Variants in COL4A2 observed in about 807,000 individuals in gnomAD.
COL4A2 encodes collagen type IV alpha 2 chain, also known as collagen alpha-2(IV) chain.
In COL4A2, 99 loss-of-function variants were observed where a neutral mutation model predicts 200.2. The ratio of observed to expected loss-of-function variants is 0.49; its 90% CI spans 0.42 to 0.58. The LOEUF (loss-of-function observed/expected upper bound fraction) is 0.58, where lower values mean the gene tolerates loss of function less well. COL4A2 is among the 20% of genes least tolerant of loss of function. The pLI, the probability that COL4A2 is intolerant of heterozygous loss-of-function variation, is 0.00. For missense variants in COL4A2, 1,950 were observed against 2,314.1 expected (o/e 0.84, Z 3.23); for synonymous variants, 897 against 900.6 (o/e 1.00, Z 0.07).
In COL4A2 at chr13:110,428,591, TC is replaced by T; in HGVS notation, c.477+12del. On this transcript the variant is annotated intron_variant, in intron 7 of 47. Transcript: ENST00000360467. ...GGGTTCACCGGGCCTCCCGTGAGTA[TC>T]CCCACAGCGCCTGTGCTCCAGGGAC... 1 of 1,477,664 alleles carries T rather than the reference TC, an allele frequency of 6.8e-7. No homozygotes were observed. Among genetic ancestry groups the T allele is most frequent in the Non-Finnish European group, 9.1e-7 (1 of 1,099,262 alleles). The allele number at this position is 1,477,664 out of a possible 1,614,324, so 91.5% of individuals were successfully genotyped here. A position where few individuals can be genotyped will look rare whatever the true frequency, so the allele number is the denominator to read the frequency against.
intron 36 of COL4A2, 125 bp downstream of exon 36, chr13:110,489,910 T>G (rs2139534503): frequency 1.0e-6 from 1 of 968,816 alleles, no homozygotes; most frequent in Non-Finnish European, 1.6e-6. Context: ...GAATGAGGTC[T>G]TCAAGTCCAA....
chr13:110,469,404 TATC>T lies in COL4A2; in HGVS notation c.2203+81_2203+83del, dbSNP rs1460956473. ...GTGATTCATAAGCATCCAGCTCTATTATCTTCCACTTTGTAGAAGCTGTTTTAA... is the reference window on the plus strand; with the variant it reads ...GTGATTCATAAGCATCCAGCTCTATTTTCCACTTTGTAGAAGCTGTTTTAA... On this transcript the variant is annotated intron_variant, in intron 28 of 47. Transcript: ENST00000360467. 2.2e-6 allele frequency: 3 copies of T among 1,367,436 alleles called. No individual in the cohort carries two copies. The African/African-American group carries it at 4.4e-5, about 20-fold the overall frequency. The allele number at this position is 1,367,436 out of a possible 1,614,324, so 84.7% of individuals were successfully genotyped here.
At chr13:110,380,778 C>T (rs9555695) in intron 4 of COL4A2, among the ~76,000 whole-genome samples, 54,478 of 149,114 alleles carry the variant, frequency 0.37, 9,640 homozygotes, top group East Asian at 0.44. Context: ...CTCTGTGTCA[C>T]ACCCACGGGC....
intron 4 of COL4A2, 64 bp from the exon 5 acceptor site, chr13:110,424,670 C>T (rs1023580071): frequency 2.2e-5 from 25 of 1,118,964 alleles, no homozygotes; most frequent in Middle Eastern, 2.3e-4. Flanking sequence ...TGAAAGTAAC[C>T]GTAACTGATC....
intron 4 of COL4A2, among the ~76,000 whole-genome samples, chr13:110,381,264 C>T (rs1878479915): frequency 6.6e-6 from 1 of 151,842 alleles, no homozygotes; most frequent in Non-Finnish European, 1.5e-5. Flanking sequence ...ATCTCACACC[C>T]ACGGACTCTA....
intron 4 of COL4A2, among the ~76,000 whole-genome samples, chr13:110,407,815 C>T (rs918334071): frequency 6.6e-6 from 1 of 152,188 alleles, no homozygotes; most frequent in African/African-American, 2.4e-5. Flanking sequence ...GTGTCTCCCC[C>T]ATTTCAGGTT....
intron 3 of COL4A2, among the ~76,000 whole-genome samples, chr13:110,351,499 G>A (rs1876961218): frequency 6.6e-6 from 1 of 152,178 alleles, no homozygotes; most frequent in South Asian, 2.1e-4. Flanking sequence ...GCAGCTCAGA[G>A]ACTTTCAAGT....
rs540832743 is a variant in COL4A2 at position 110,386,699 on chromosome 13, A to G, written c.180+29147A>G. ...TGTTATTATTTCTCCACTTTGGCCC[A>G]CAAACCTGAATTCAGCCACTTCTAT... On this transcript the variant is annotated intron_variant, in intron 4 of 47. Transcript: ENST00000360467. Among the ~76,000 whole-genome samples, 3 of 152,332 alleles carry G rather than the reference A, an allele frequency of 2.0e-5. No homozygotes were observed. The East Asian group carries it at 5.8e-4, about 29-fold the overall frequency.
At chr13:110,468,869 T>C (rs1383611021) in intron 27 of COL4A2, among the ~76,000 whole-genome samples, 2 of 152,130 alleles carry the variant, frequency 1.3e-5, no homozygotes, top group Non-Finnish European at 2.9e-5. Context: ...CTCCCCACTT[T>C]ACAGGTGAGG....
rs201393883 is a variant in COL4A2, at chr13:110,436,294, A to G, written c.752A>G (p.Asn251Ser). The G allele has an allele frequency of 3.1e-6, 5 of 1,613,954 alleles. No individual in the cohort carries two copies. Among genetic ancestry groups the G allele is most frequent in the Non-Finnish European group, 4.2e-6 (5 of 1,180,024 alleles). ...EKGDVGQPGP[N>S]GIPSDTLHPI... ...GGTGACGTAGGGCAGCCGGGACCCA[A>G]CGGGATTCCATCAGACACCCTCCAC... The change falls in exon 13 of 48, where the codon AAC (asparagine) becomes AGC (serine). Residue 251 changes from asparagine to serine, a missense_variant. Transcript: ENST00000360467.
intron 3 of COL4A2, among the ~76,000 whole-genome samples, chr13:110,351,478 A>C (rs1246820918): frequency 6.6e-6 from 1 of 152,158 alleles, no homozygotes; most frequent in East Asian, 1.9e-4. Flanking sequence ...CCGGTCCTTC[A>C]TCTCTTCCTT....
rs748621331 is a variant in COL4A2 at position 110,485,847 on chromosome 13, G to A, written c.3207+11G>A. ...TTCATAGGAAGCCGGGTGAGTGGGC[G>A]TCTTTTACTCCCCTTGTTCTGTGAG... On this transcript the variant is annotated intron_variant, in intron 34 of 47. Transcript: ENST00000360467. The A allele has an allele frequency of 5.0e-6, 8 of 1,612,880 alleles. No individual in the cohort carries two copies. Among genetic ancestry groups the A allele is most frequent in the South Asian group, 3.3e-5 (3 of 91,048 alleles).
At chr13:110,354,241 T>C (rs562207959) in intron 3 of COL4A2, among the ~76,000 whole-genome samples, 1 of 152,310 alleles carries the variant, frequency 6.6e-6, no homozygotes, top group Admixed American at 6.5e-5. Flanking sequence ...CAATGAATTA[T>C]TGGGTCAACT....
At chr13:110,461,982 C>T in intron 22 of COL4A2, 132 bp from the exon 23 acceptor site, 16 of 1,362,686 alleles carry the variant, frequency 1.2e-5, no homozygotes, top group Admixed American at 2.1e-5. Context: ...AGAAAGTGCT[C>T]CTTGGGTGGC....
At chr13:110,465,040 TAAC>T (rs368483593) in intron 24 of COL4A2, among the ~76,000 whole-genome samples, 12 of 152,244 alleles carry the variant, frequency 7.9e-5, no homozygotes, top group African/African-American at 2.9e-4. Context: ...TGCTAAATTA[TAAC>T]AACAAAATCA....
At chr13:110,437,032 G>A (rs980997510) in intron 13 of COL4A2, among the ~76,000 whole-genome samples, 3 of 152,176 alleles carry the variant, frequency 2.0e-5, no homozygotes, top group Non-Finnish European at 2.9e-5. Context: ...GTACCATGTC[G>A]GGCACGCAGA....
intron 28 of COL4A2, among the ~76,000 whole-genome samples, chr13:110,472,149 T>C (rs1296396591): frequency 2.9e-5 from 2 of 68,252 alleles, no homozygotes; most frequent in Non-Finnish European, 7.9e-5. Context: ...GGAATCTCAC[T>C]CTGTCGCCCA....
chr13:110,378,715 T>C (rs531949150), intron 4 of COL4A2, among the ~76,000 whole-genome samples: 1 of 152,362 alleles, frequency 6.6e-6, no homozygotes, highest in Admixed American at 6.5e-5. Context: ...ACTTCCTGAA[T>C]GCAGTATTCC....
intron 32 of COL4A2, 131 bp downstream of exon 32, chr13:110,482,790 A>G (rs1348901779): frequency 2.2e-6 from 2 of 921,286 alleles, no homozygotes; most frequent in African/African-American, 3.3e-5. Flanking sequence ...AGCTAGACAA[A>G]ACAAACAAAA....
Sources: allele counts gnomAD v4.1 joint callset (sites outside exome capture counted in the v4.1 genomes callset), GRCh38; gene constraint gnomAD v4.1.1; transcripts MANE v1.5; gene names NCBI Gene and HGNC (gene_info 2026-07-23, HGNC 2026-07-21).